CFAP46: variants seen among roughly 807,000 people sequenced by gnomAD.
CFAP46 encodes cilia and flagella associated protein 46, also known as cilia- and flagella-associated protein 46.
A neutral mutation model predicts 325.7 loss-of-function variants in CFAP46; 245 were observed. The observed-to-expected ratio is 0.75, with a 90% CI of 0.68 to 0.84. CFAP46 has a LOEUF of 0.84. Ranked by LOEUF, CFAP46 falls within the 40% of genes least tolerant of loss-of-function variation. CFAP46 has a pLI of 0.00. For synonymous variants in CFAP46, 1,523 were observed against 1,495.9 expected, an observed-to-expected ratio of 1.02 and a Z score of -0.42; for missense variants, 3,346 against 3,543.0, an observed-to-expected ratio of 0.94 and a Z score of 1.41.
At chr10:132,821,793 CTG>C (rs1215115030) in intron 50 of CFAP46, among the ~76,000 whole-genome samples, 31 of 123,560 alleles carry the variant, frequency 2.5e-4, no homozygotes, top group East Asian at 5.1e-4. Flanking sequence ...CTGATGTGTG[CTG>C]TGTGTTGTGT....
At chr10:132,824,952 T>G (rs1848010238) in intron 50 of CFAP46, among the ~76,000 whole-genome samples, 1 of 144,264 alleles carries the variant, frequency 6.9e-6, no homozygotes, top group Non-Finnish European at 1.5e-5. Flanking sequence ...TGTGTGCTGA[T>G]GTGTGCTGTG....
chr10:132,881,194 A>C (rs1407040042), intron 27 of CFAP46, among the ~76,000 whole-genome samples, 162 bp from the exon 28 acceptor site: 2 of 152,200 alleles, frequency 1.3e-5, no homozygotes, highest in Non-Finnish European at 2.9e-5. Flanking sequence ...GTTGCCATTT[A>C]GGCTCATTGG....
At chr10:132,940,611 G>T (rs978130535) in intron 4 of CFAP46, among the ~76,000 whole-genome samples, 1 of 151,550 alleles carries the variant, frequency 6.6e-6, no homozygotes, top group Non-Finnish European at 1.5e-5. Flanking sequence ...ACAGAGTCTC[G>T]CTGTCATCCA....
rs528723848 is a variant in CFAP46 at position 132,876,273 on chromosome 10, T to C, written c.4362+539A>G. Among the ~76,000 whole-genome samples, 2 of 152,358 alleles carry C rather than the reference T, an allele frequency of 1.3e-5. No individual in the cohort carries two copies. The highest frequency in any genetic ancestry group is 4.1e-4 in the South Asian group (2 of 4,832). On this transcript the variant is annotated intron_variant, in intron 31 of 57. Transcript: ENST00000368586. The surrounding 1 kb of genome is among the most constrained non-coding windows in gnomAD (Gnocchi z 4.1). ...TGAATGACCACTATGGAGGGCAGCA[T>C]GGCAGCGTGGCACCAAACACCGCAG...
In CFAP46 at chr10:132,869,441, G is replaced by C. The variant is rs762582243; in HGVS notation, c.4512-69C>G. 267 of 1,162,696 alleles carry C rather than the reference G, an allele frequency of 2.3e-4. No homozygotes were observed. Among genetic ancestry groups the C allele is most frequent in the Non-Finnish European group, 3.0e-4 (258 of 852,386 alleles). The allele number at this position is 1,162,696 out of a possible 1,614,324, so 72.0% of individuals were successfully genotyped here. A position where few individuals can be genotyped will look rare whatever the true frequency, so the allele number is the denominator to read the frequency against. On this transcript the variant is annotated intron_variant, in intron 32 of 57. Coordinates refer to ENST00000368586, the MANE Select transcript of CFAP46 (RefSeq NM_001200049.3). The surrounding 1 kb of genome is among the most constrained non-coding windows in gnomAD (Gnocchi z 6.2). ...GAGGGAGCCAGAAACGAAGCTACTA[G>C]TGTGCTTCACAGAAAACGGTCAACT... is the stretch of plus-strand genomic sequence containing the variant.
intron 22 of CFAP46, among the ~76,000 whole-genome samples, chr10:132,902,318 T>C (rs572110272): frequency 5.8e-4 from 88 of 152,142 alleles, no homozygotes; most frequent in Non-Finnish European, 9.9e-4. Flanking sequence ...GGAAGCTCTG[T>C]TCATTTAGTT....
In CFAP46 at chr10:132,820,816, CTGA is replaced by C. The variant is rs546706832; in HGVS notation, c.7118-5905_7118-5903del. On this transcript the variant is annotated intron_variant, in intron 50 of 57. Coordinates refer to ENST00000368586, the MANE Select transcript of CFAP46 (RefSeq NM_001200049.3). The stretch of plus-strand genomic sequence containing the variant: ...TGAGCACTGATGTGTGCTGTGTGTG[CTGA>C]TGTGTGCTGAGTGCTGATGTGTGCT... Among the ~76,000 whole-genome samples the C allele has an allele frequency of 1.2e-4, 15 of 127,510 alleles. No homozygotes were observed. In the South Asian group the frequency reaches 3.5e-3, roughly 30 times the overall value. The allele number at this position is 127,510 out of a possible 152,430, so 83.7% of individuals were successfully genotyped here. A position where few individuals can be genotyped will look rare whatever the true frequency, so the allele number is the denominator to read the frequency against.
At chr10:132,862,882 T>A (rs1848744034) in intron 35 of CFAP46, among the ~76,000 whole-genome samples, 1 of 151,808 alleles carries the variant, frequency 6.6e-6, no homozygotes, top group Non-Finnish European at 1.5e-5. Context: ...GAGGCAGGCT[T>A]TCTGTGGTGT....
chr10:132,919,315 C>G lies in CFAP46; in HGVS notation c.1858G>C (p.Gly620Arg). Residue 620 changes from glycine to arginine, a missense_variant and splice_region_variant, in exon 15 of 58, where the codon GGG becomes CGG. Transcript: ENST00000368586. This position sits in a 1 kb window ranked among gnomAD's most constrained non-coding sequence, Gnocchi z 9.7. Reference sequence around the variant, plus strand: ...CACACTCGTGAGGGCGGGTACGAACCTCGCCGCAGCCTCAACTTCTTCACC... The same window carrying G: ...CACACTCGTGAGGGCGGGTACGAACGTCGCCGCAGCCTCAACTTCTTCACC... ...VKVKKLRLRR[G>R]KKKRGRDGSV... The G allele has an allele frequency of 6.5e-7, 1 of 1,549,528 alleles. No individual in the cohort carries two copies. Among genetic ancestry groups the G allele is most frequent in the Non-Finnish European group, 8.7e-7 (1 of 1,146,534 alleles).
At chr10:132,921,840 A>AAGTTCCC (rs1849726939) in intron 13 of CFAP46, among the ~76,000 whole-genome samples, 1 of 152,182 alleles carries the variant, frequency 6.6e-6, no homozygotes, top group South Asian at 2.1e-4. Flanking sequence ...TGGGAGGAGT[A>AAGTTCCC]AGTTCCCGTA....
intron 29 of CFAP46, among the ~76,000 whole-genome samples, 165 bp downstream of exon 29, chr10:132,879,261 G>A (rs775250221): frequency 2.0e-5 from 3 of 152,208 alleles, no homozygotes; most frequent in Non-Finnish European, 4.4e-5. Context: ...CCATTCAGGA[G>A]AGAGGAAGAA....
chr10:132,923,856 G>T (rs560269192), intron 11 of CFAP46, among the ~76,000 whole-genome samples: 1 of 152,286 alleles, frequency 6.6e-6, no homozygotes, highest in South Asian at 2.1e-4. Flanking sequence ...TAGCCCCAGA[G>T]AAATCTTCCA....
chr10:132,912,500 T>TCTCTCTCCTCTCCTCTCTCTCTCTTCCC (rs1849562690), intron 19 of CFAP46, among the ~76,000 whole-genome samples, 155 bp downstream of exon 19: 3 of 73,332 alleles, frequency 4.1e-5, no homozygotes, highest in Non-Finnish European at 8.8e-5. Flanking sequence ...CTCTTTCACC[T>TCTCTCTCCTCTCCTCTCTCTCTCTTCCC]CTCTCTCCTC....
intron 50 of CFAP46, among the ~76,000 whole-genome samples, chr10:132,826,990 T>C (rs1848068141): frequency 6.6e-6 from 1 of 152,064 alleles, no homozygotes; most frequent in African/African-American, 2.4e-5. Flanking sequence ...TGATTCTCCA[T>C]TTGGGCATTT....
chr10:132,873,449 G>A (rs1848921351), intron 31 of CFAP46, among the ~76,000 whole-genome samples: 1 of 151,962 alleles, frequency 6.6e-6, no homozygotes, highest in Non-Finnish European at 1.5e-5. Flanking sequence ...AGGCACTGAG[G>A]CATCCAGGGA....
At chr10:132,829,083 CAAA>C (rs58493058) in intron 50 of CFAP46, among the ~76,000 whole-genome samples, 9,969 of 118,478 alleles carry the variant, frequency 0.084, 341 homozygotes, top group African/African-American at 0.1. Flanking sequence ...TTAACTTCTA[CAAA>C]AAAAAAAAAA....
intron 29 of CFAP46, among the ~76,000 whole-genome samples, chr10:132,879,077 G>A (rs1320261412): frequency 6.6e-6 from 1 of 152,214 alleles, no homozygotes; most frequent in African/African-American, 2.4e-5. Flanking sequence ...CCAGGCAGAG[G>A]CAGTTTTGGG....
intron 9 of CFAP46, among the ~76,000 whole-genome samples, chr10:132,927,321 C>T (rs990308003): frequency 2.0e-5 from 3 of 149,352 alleles, no homozygotes; most frequent in Non-Finnish European, 4.4e-5. Flanking sequence ...AGGTCCTCGG[C>T]GGCAGACGCC....
chr10:132,836,881 A>G lies in CFAP46; in HGVS notation c.6472T>C (p.Phe2158Leu). 1.2e-6 allele frequency: 2 copies of G among 1,613,930 alleles called. No individual in the cohort carries two copies. The highest frequency in any genetic ancestry group is 1.7e-6 in the Non-Finnish European group (2 of 1,179,994). The change falls in exon 45 of 58, where the codon TTT becomes CTT. Residue 2158 changes from phenylalanine (F) to leucine (L), a missense_variant. Phe to Leu is a conservative substitution (Grantham distance 22, BLOSUM62 0). Transcript: ENST00000368586. ...GGAGGCATCTCATTCAAGAGGTTAA[A>G]ATGCTGCTCAGTGACGCAGAGATTT... is the stretch of plus-strand genomic sequence containing the variant. ...WQNLCVTEQH[F>L]NLLNEMPPTF...
Sources: allele counts gnomAD v4.1 joint callset (sites outside exome capture counted in the v4.1 genomes callset), GRCh38; gene constraint gnomAD v4.1.1; non-coding constraint Gnocchi (gnomAD v3.1); transcripts MANE v1.5; gene names NCBI Gene and HGNC (gene_info 2026-07-23, HGNC 2026-07-21).